Variants in NAA80 observed in about 807,000 individuals in gnomAD.
NAA80 encodes the protein N-alpha-acetyltransferase 80.
In NAA80, 5 loss-of-function variants were observed where a neutral mutation model predicts 8.7. The ratio of observed to expected loss-of-function variants is 0.58; its 90% CI spans 0.30 to 1.21. NAA80 has a LOEUF of 1.21. NAA80 is among the 50% of genes most tolerant of loss of function. The probability of loss-of-function intolerance (pLI) is 0.07; values close to 1 mark genes in which losing one functional copy is unlikely to be tolerated. For synonymous variants in NAA80, 149 were observed against 156.6 expected, an observed-to-expected ratio of 0.95 and a Z score of 0.36; for missense variants, 360 against 368.6, an observed-to-expected ratio of 0.98 and a Z score of 0.19.
At chr3:50,298,058 C>G (rs1484507346) in intron 1 of NAA80, 7 of 985,552 alleles carry the variant, frequency 7.1e-6, no homozygotes, top group Non-Finnish European at 8.4e-6. Context: ...GGCCTTCTGT[C>G]TTCCAGTAGT....
At position 50,299,289 on chromosome 3, in the gene NAA80, A is replaced by T; in HGVS notation, c.-286T>A. On this transcript the variant is annotated 5_prime_UTR_variant, in exon 1 of 2. Coordinates refer to ENST00000443094, the MANE Select transcript of NAA80 (RefSeq NM_001200016.2). ...GTATCTCACTCAGTCGCCACCTCGGACTCCTCGGTCCGACAACGTTGGCCC... is the reference window on the plus strand; with the variant it reads ...GTATCTCACTCAGTCGCCACCTCGGTCTCCTCGGTCCGACAACGTTGGCCC... 1 of 1,612,356 alleles carries T rather than the reference A, an allele frequency of 6.2e-7. No individual in the cohort carries two copies. The highest frequency in any genetic ancestry group is 1.1e-5 in the South Asian group (1 of 91,030).
At position 50,299,285 on chromosome 3, in the gene NAA80, T is replaced by A; in HGVS notation, c.-282A>T. On this transcript the variant is annotated 5_prime_UTR_variant, in exon 1 of 2. Transcript: ENST00000443094. ...CTGGGTATCTCACTCAGTCGCCACC[T>A]CGGACTCCTCGGTCCGACAACGTTG... 2.5e-6 allele frequency: 4 copies of A among 1,612,956 alleles called. No homozygotes were observed. The highest frequency in any genetic ancestry group is 3.4e-6 in the Non-Finnish European group (4 of 1,179,824).
intron 1 of NAA80, among the ~76,000 whole-genome samples, chr3:50,298,394 G>GTCTCC (rs1167882648): frequency 1.3e-5 from 2 of 151,970 alleles, no homozygotes; most frequent in African/African-American, 4.8e-5. Context: ...AGACCCAACT[G>GTCTCC]TCTCCTCAGA....
rs1297155901 is a variant in NAA80, at chr3:50,296,774, T to C, written c.690A>G (p.Gln230=). The C allele has an allele frequency of 1.9e-6, 3 of 1,597,654 alleles. No individual in the cohort carries two copies. Among genetic ancestry groups the C allele is most frequent in the Admixed American group, 3.4e-5 (2 of 58,024 alleles). The change falls in exon 2 of 2, where the codon CAA becomes CAG. Residue 230 remains glutamine, a synonymous_variant. Coordinates refer to ENST00000443094, the MANE Select transcript of NAA80 (RefSeq NM_001200016.2). ...PPRKAPNLTA[Q]AAPRGPKGPP... ...GTCCCTTGGGACCCCTTGGGGCAGC[T>C]TGGGCAGTCAGGTTTGGGGCCTTCC...
In NAA80 at chr3:50,297,349, T is replaced by C. The variant is rs587741919; in HGVS notation, c.115A>G (p.Thr39Ala). The change falls in exon 2 of 2, where the codon ACT becomes GCT. Residue 39 changes from threonine to alanine, a missense_variant. Coordinates refer to ENST00000443094, the MANE Select transcript of NAA80 (RefSeq NM_001200016.2). The surrounding 1 kb of genome is among the most constrained non-coding windows in gnomAD (Gnocchi z 4.3). The stretch of plus-strand genomic sequence containing the variant: ...TGTTCAGGATCCAGGGTAAGCTCAG[T>C]TGGACCAGGATTGAAGGTCATCTCT... ...QPEMTFNPGP[T>A]ELTLDPEHQP... The C allele has an allele frequency of 4.2e-5, 67 of 1,611,630 alleles. No individual in the cohort carries two copies. Among genetic ancestry groups the C allele is most frequent in the Admixed American group, 1.5e-4 (9 of 59,754 alleles).
rs1559810698 is a variant in NAA80 at position 50,297,078 on chromosome 3, A to C, written c.386T>G (p.Val129Gly). The C allele has an allele frequency of 6.5e-7, 1 of 1,538,712 alleles. No homozygotes were observed. The highest frequency in any genetic ancestry group is 8.7e-7 in the Non-Finnish European group (1 of 1,142,866). The change falls in exon 2 of 2, where the codon GTG becomes GGG. Residue 129 changes from valine (V) to glycine (G), a missense_variant. By Grantham distance (109) the Val-to-Gly change is moderately radical (BLOSUM62 -3). Transcript: ENST00000443094. This position sits in a 1 kb window ranked among gnomAD's most constrained non-coding sequence, Gnocchi z 4.3. ...VVVGHARLSR[V>G]LNQPQSLLVE... Reference sequence around the variant, plus strand: ...TAAGAGGCTCTGGGGCTGGTTCAGCACCCGTGACAGGCGGGCATGGCCCAC... The same window carrying C: ...TAAGAGGCTCTGGGGCTGGTTCAGCCCCCGTGACAGGCGGGCATGGCCCAC...
rs1232161001 is a variant in NAA80, at chr3:50,299,385, C to T, written c.-382G>A. The T allele has an allele frequency of 1.4e-6, 2 of 1,445,740 alleles. No individual in the cohort carries two copies. Among genetic ancestry groups the T allele is most frequent in the African/African-American group, 2.8e-5 (2 of 70,836 alleles). The allele number at this position is 1,445,740 out of a possible 1,614,324, so 89.6% of individuals were successfully genotyped here. ...GCCACGGCGTTCTAAGGCCTCCCAGCACCCGCGCGTCGCCGCTTAGAACCC... is the reference window on the plus strand; with the variant it reads ...GCCACGGCGTTCTAAGGCCTCCCAGTACCCGCGCGTCGCCGCTTAGAACCC... On this transcript the variant is annotated 5_prime_UTR_variant, in exon 1 of 2. Transcript: ENST00000443094.
rs1447625537 is a variant in NAA80 at position 50,297,996 on chromosome 3, A to AG, written c.-209-325dup. Reference sequence around the variant, plus strand: ...TGTCCTCCTCAGGACCTCCCCTCACAGGGGGTCTGTAACCACCAGGTCTAT... The same window carrying AG: ...TGTCCTCCTCAGGACCTCCCCTCACAGGGGGGTCTGTAACCACCAGGTCTAT... On this transcript the variant is annotated intron_variant, in intron 1 of 1. Transcript: ENST00000443094. The surrounding 1 kb of genome is among the most constrained non-coding windows in gnomAD (Gnocchi z 4.3). The AG allele has an allele frequency of 1.0e-6, 1 of 986,844 alleles. No homozygotes were observed. Among genetic ancestry groups the AG allele is most frequent in the Admixed American group, 6.1e-5 (1 of 16,294 alleles). 61.1% of individuals were successfully genotyped at this position (986,844 alleles called of 1,614,324 possible).
In NAA80 at chr3:50,296,854, GC is replaced by G. The variant is rs1701867661; in HGVS notation, c.609del (p.Leu204CysfsTer24). The G allele has an allele frequency of 6.3e-7, 1 of 1,590,598 alleles. No homozygotes were observed. Among genetic ancestry groups the G allele is most frequent in the Non-Finnish European group, 8.5e-7 (1 of 1,169,704 alleles). On this transcript the variant is annotated frameshift_variant, in exon 2 of 2. Coordinates refer to ENST00000443094, the MANE Select transcript of NAA80 (RefSeq NM_001200016.2). LOFTEE classifies it low-confidence loss of function (END_TRUNC). ...AAGGCATTAAGCAGGGTGGCAGGCA[GC>G]CGTCTGCTGGTGAAGACCAGGCCCT... ...PVQGLVFTSR[R>X]LPATLLNAFP...
At chr3:50,298,730 C>A in intron 1 of NAA80, 1 of 1,012,284 alleles carries the variant, frequency 9.9e-7, no homozygotes, top group Non-Finnish European at 1.2e-6. Flanking sequence ...CCTTACCTCT[C>A]CTGAGCTTGA....
chr3:50,298,547 C>A (rs988931271), intron 1 of NAA80, among the ~76,000 whole-genome samples: 1 of 151,530 alleles, frequency 6.6e-6, no homozygotes, highest in Non-Finnish European at 1.5e-5. Context: ...CACAGGGTGT[C>A]CAACGGTCAC....
In NAA80 at chr3:50,297,225, T is replaced by C. The variant is rs371706289; in HGVS notation, c.239A>G (p.Asn80Ser). 1.9e-6 allele frequency: 3 copies of C among 1,612,890 alleles called. No homozygotes were observed. The highest frequency in any genetic ancestry group is 2.5e-6 in the Non-Finnish European group (3 of 1,179,384). Residue 80 changes from asparagine (N) to serine (S), a missense_variant, in exon 2 of 2, where the codon AAT becomes AGT. Physicochemically the swap from Asn to Ser is conservative, Grantham distance 46 (BLOSUM62 1). Transcript: ENST00000443094. The surrounding 1 kb of genome is among the most constrained non-coding windows in gnomAD (Gnocchi z 4.3). ...ELLDACADLINDQWPRSRTSR... is the reference protein window; with the variant it reads ...ELLDACADLISDQWPRSRTSR... ...GGTGCGGCTGCGGGGCCACTGATCA[T>C]TGATGAGGTCAGCACAAGCATCCAG... is the stretch of plus-strand genomic sequence containing the variant.
chr3:50,298,806 C>T (rs1701984623), intron 1 of NAA80: 6 of 1,149,400 alleles, frequency 5.2e-6, no homozygotes, highest in Non-Finnish European at 5.4e-6. Context: ...ATTCACAGGG[C>T]TGTAAGCCCC....
At position 50,299,395 on chromosome 3, in the gene NAA80, T is replaced by G; in HGVS notation, c.-392A>C. 7.2e-7 allele frequency: 1 copy of G among 1,392,846 alleles called. No homozygotes were observed. Among genetic ancestry groups the G allele is most frequent in the Non-Finnish European group, 9.7e-7 (1 of 1,029,180 alleles). 86.3% of individuals were successfully genotyped at this position (1,392,846 alleles called of 1,614,324 possible). On this transcript the variant is annotated 5_prime_UTR_variant, in exon 1 of 2. Transcript: ENST00000443094. ...TCTAAGGCCTCCCAGCACCCGCGCG[T>G]CGCCGCTTAGAACCCGCCCCTGGTT...
Position 50,299,343 on chromosome 3 carries a change from G to T in NAA80, c.-340C>A, listed in dbSNP as rs1702021011. ...GCGGTGCGGCGGATGTTCTGCAGCC[G>T]TCGCGTCCTGCGGCACGCCACGGCG... is the stretch of plus-strand genomic sequence containing the variant. On this transcript the variant is annotated 5_prime_UTR_variant, in exon 1 of 2. Transcript: ENST00000443094. 9 of 1,572,232 alleles carry T rather than the reference G, an allele frequency of 5.7e-6. No homozygotes were observed. The highest frequency in any genetic ancestry group is 6.9e-6 in the Non-Finnish European group (8 of 1,161,512).
In NAA80 at chr3:50,296,948, C is replaced by T. The variant is rs1240771526; in HGVS notation, c.516G>A (p.Leu172=). The T allele has an allele frequency of 2.5e-6, 4 of 1,604,846 alleles. No individual in the cohort carries two copies. Among genetic ancestry groups the T allele is most frequent in the Non-Finnish European group, 3.4e-6 (4 of 1,177,054 alleles). Residue 172 remains leucine (L), a synonymous_variant, in exon 2 of 2, where the codon CTG becomes CTA. Coordinates refer to ENST00000443094, the MANE Select transcript of NAA80 (RefSeq NM_001200016.2). ...VFARARGFRK[L]HLTTHDQVHF... is the part of the protein sequence containing the mutation. ...GCACCTGGTCATGGGTGGTGAGATG[C>T]AGCTTGCGGAAGCCCCGGGCCCGAG...
In NAA80 at chr3:50,296,497, C is replaced by G; in HGVS notation, c.*106G>C. 1.5e-6 allele frequency: 2 copies of G among 1,335,902 alleles called. No homozygotes were observed. The highest frequency in any genetic ancestry group is 2.1e-6 in the Non-Finnish European group (2 of 975,020). The allele number at this position is 1,335,902 out of a possible 1,614,324, so 82.8% of individuals were successfully genotyped here. A position where few individuals can be genotyped will look rare whatever the true frequency, so the allele number is the denominator to read the frequency against. ...CCCAGGAAACATGCCCAGGTTAAAG[C>G]TGCCCCCCAGGGGCTAGGGGCTGAG... On this transcript the variant is annotated 3_prime_UTR_variant, in exon 2 of 2. Transcript: ENST00000443094.
At position 50,297,078 on chromosome 3, in the gene NAA80, AC is replaced by A; in HGVS notation, c.385del (p.Val129CysfsTer2). 6.5e-7 allele frequency: 1 copy of A among 1,538,712 alleles called. No individual in the cohort carries two copies. The highest frequency in any genetic ancestry group is 1.3e-5 in the South Asian group (1 of 79,366). ...TAAGAGGCTCTGGGGCTGGTTCAGC[AC>A]CCGTGACAGGCGGGCATGGCCCACC... Reference protein sequence around the residue: ...VVVGHARLSRVLNQPQSLLVE... With the variant: ...VVVGHARLSRXLNQPQSLLVE... On this transcript the variant is annotated frameshift_variant, in exon 2 of 2. Coordinates refer to ENST00000443094, the MANE Select transcript of NAA80 (RefSeq NM_001200016.2). LOFTEE classifies it high-confidence loss of function. This position sits in a 1 kb window ranked among gnomAD's most constrained non-coding sequence, Gnocchi z 4.3.
intron 1 of NAA80, 40 bp downstream of exon 1, chr3:50,299,173 T>C (rs782819813): frequency 6.2e-7 from 1 of 1,613,800 alleles, no homozygotes; most frequent in Non-Finnish European, 8.5e-7. Flanking sequence ...ACGCGCGGGG[T>C]GGACCTACAG....
Sources: allele counts gnomAD v4.1 joint callset (sites outside exome capture counted in the v4.1 genomes callset), GRCh38; gene constraint gnomAD v4.1.1; non-coding constraint Gnocchi (gnomAD v3.1); transcripts MANE v1.5; gene names NCBI Gene and HGNC (gene_info 2026-07-23, HGNC 2026-07-21).